Variants in THTPA observed in about 807,000 individuals in gnomAD.
THTPA encodes thiamine triphosphatase, also known as thiamine-triphosphatase.
In THTPA, 16 loss-of-function variants were observed where a neutral mutation model predicts 16.5. That is an observed-to-expected ratio of 0.97 (90% confidence interval 0.66 to 1.47). THTPA has a LOEUF of 1.47. Among genes scored for constraint, THTPA ranks in the 40% most tolerant of loss-of-function variants. The pLI, the probability that THTPA is intolerant of heterozygous loss-of-function variation, is 0.00. For synonymous variants in THTPA, 110 were observed against 115.5 expected (o/e 0.95, Z 0.30); for missense variants, 281 against 280.9 (o/e 1.00, Z 0.00).
chr14:23,518,980 C>G, the THTPA span, among the ~76,000 whole-genome samples: 1 of 152,168 alleles, frequency 6.6e-6, no homozygotes. This position sits in a 1 kb window ranked among gnomAD's most constrained non-coding sequence, Gnocchi z 4.5. Flanking sequence ...ATGGTGCCCC[C>G]TCAGGAAGCA....
At chr14:23,542,355 A>T in the THTPA span, 1 of 152,464 alleles carries the variant, frequency 6.6e-6, no homozygotes, top group Non-Finnish European at 1.5e-5. Flanking sequence ...GGGAAGCGGT[A>T]GGCTGAAACC....
chr14:23,527,572 T>G, the THTPA span: 3 of 1,536,078 alleles, frequency 2.0e-6, no homozygotes, highest in Non-Finnish European at 2.6e-6. Flanking sequence ...AATAAGGTCT[T>G]GTTGTACCGT....
At chr14:23,524,921 C>T in the THTPA span, 121 of 1,536,258 alleles carry the variant, frequency 7.9e-5, no homozygotes, top group African/African-American at 3.6e-4. The surrounding 1 kb of genome is among the most constrained non-coding windows in gnomAD (Gnocchi z 5.6). Context: ...GGCGTGGCAA[C>T]GCCTGCAGCC....
chr14:23,526,047 C>T, the THTPA span: 188 of 1,536,472 alleles, frequency 1.2e-4, no homozygotes, highest in South Asian at 1.2e-3. Flanking sequence ...CCCTCTGTCT[C>T]GCCTTCCTTG....
At chr14:23,532,945 G>A in the THTPA span, 3 of 1,536,100 alleles carry the variant, frequency 2.0e-6, no homozygotes, top group African/African-American at 4.1e-5. Context: ...TGTCTGTGCT[G>A]AAGGCCTGGC....
At chr14:23,546,628 G>A in the THTPA span, among the ~76,000 whole-genome samples, 14 of 152,160 alleles carry the variant, frequency 9.2e-5, no homozygotes, top group Admixed American at 9.2e-4. The surrounding 1 kb of genome is among the most constrained non-coding windows in gnomAD (Gnocchi z 4.7). Context: ...GAGGAGGGAT[G>A]GGCAGGCAGT....
At chr14:23,523,187 C>T in the THTPA span, 1 of 1,413,254 alleles carries the variant, frequency 7.1e-7, no homozygotes, top group Middle Eastern at 1.8e-4. The surrounding 1 kb of genome is among the most constrained non-coding windows in gnomAD (Gnocchi z 4.1). Flanking sequence ...CAGCTCCTCC[C>T]AGCCTCCCTA....
chr14:23,522,815 G>A, the THTPA span: 1 of 1,535,974 alleles, frequency 6.5e-7, no homozygotes, highest in Non-Finnish European at 8.7e-7. Context: ...GCCTGCTGTG[G>A]AGGTGTTGGT....
At chr14:23,522,983 G>A in the THTPA span, 1 of 1,426,158 alleles carries the variant, frequency 7.0e-7, no homozygotes, top group Non-Finnish European at 9.1e-7. Flanking sequence ...GCCATCTCCT[G>A]TCCCATCATT....
the THTPA span, chr14:23,535,460 C>T: frequency 2.6e-6 from 3 of 1,153,490 alleles, no homozygotes; most frequent in Non-Finnish European, 1.1e-6. The surrounding 1 kb of genome is among the most constrained non-coding windows in gnomAD (Gnocchi z 4.5). Flanking sequence ...CCTGCCCCAT[C>T]CTCTTCCCTG....
chr14:23,550,270 C>T, the THTPA span, among the ~76,000 whole-genome samples: 273 of 152,290 alleles, frequency 1.8e-3, 6 homozygotes, highest in East Asian at 0.048. Context: ...GAGGCTTTGG[C>T]GAAGACACAT....
rs1883065318 is a variant in THTPA, at chr14:23,559,616, G to C, written c.*776G>C. 1.4e-6 allele frequency: 1 copy of C among 716,638 alleles called. No homozygotes were observed. Among genetic ancestry groups the C allele is most frequent in the African/African-American group, 1.8e-5 (1 of 56,198 alleles). The allele number at this position is 716,638 out of a possible 1,614,324, so 44.4% of individuals were successfully genotyped here. On this transcript the variant is annotated 3_prime_UTR_variant, in exon 2 of 2. Transcript: ENST00000288014. ...TATTGGGCTTTATTTGTGGGAGAAGGGGGCTGGTCCCCAGTTTTTGCAGTG... is the reference window on the plus strand; with the variant it reads ...TATTGGGCTTTATTTGTGGGAGAAGCGGGCTGGTCCCCAGTTTTTGCAGTG...
chr14:23,519,330 T>A, the THTPA span, among the ~76,000 whole-genome samples: 1 of 152,186 alleles, frequency 6.6e-6, no homozygotes, highest in African/African-American at 2.4e-5. Flanking sequence ...TCTAAATTGT[T>A]TTTGGTTTCT....
the THTPA span, chr14:23,544,070 G>C: frequency 6.6e-6 from 1 of 152,024 alleles, no homozygotes; most frequent in African/African-American, 2.4e-5. Flanking sequence ...TGGCCAACAC[G>C]GTGAAACCCT....
the THTPA span, among the ~76,000 whole-genome samples, chr14:23,512,478 GAAAC>G: frequency 1.3e-5 from 2 of 151,774 alleles, no homozygotes; most frequent in Admixed American, 6.6e-5. Context: ...AGAAAAAAAA[GAAAC>G]AACCACAGGC....
At chr14:23,530,228 G>C in the THTPA span, 5 of 1,466,220 alleles carry the variant, frequency 3.4e-6, no homozygotes, top group East Asian at 1.2e-4. Context: ...AGCTTAAAGA[G>C]GTGTGGCATC....
chr14:23,518,524 G>A, the THTPA span, among the ~76,000 whole-genome samples: 1 of 152,110 alleles, frequency 6.6e-6, no homozygotes, highest in African/African-American at 2.4e-5. The surrounding 1 kb of genome is among the most constrained non-coding windows in gnomAD (Gnocchi z 4.5). Flanking sequence ...CAATCTTTTT[G>A]TTCCTAGTTG....
chr14:23,555,360 G>T (rs187656139), upstream of THTPA, among the ~76,000 whole-genome samples: 2 of 152,204 alleles, frequency 1.3e-5, no homozygotes, highest in African/African-American at 4.8e-5. Flanking sequence ...AGGGACCGCT[G>T]GAAACTCTGA....
chr14:23,548,504 C>G, the THTPA span: 1 of 152,208 alleles, frequency 6.6e-6, no homozygotes, highest in Non-Finnish European at 1.5e-5. Context: ...GGGAGGAACC[C>G]TGTCAGGTTG....
Sources: gnomAD v4.1 joint callset for allele counts (sites outside exome capture counted in the v4.1 genomes callset) on GRCh38, gnomAD v4.1.1 for gene constraint, Gnocchi (gnomAD v3.1) non-coding constraint, MANE v1.5 for transcripts, NCBI Gene and HGNC (gene_info 2026-07-23, HGNC 2026-07-21) for gene names.